Variants in LYST observed in about 807,000 individuals in gnomAD.
LYST encodes the protein lysosomal trafficking regulator.
A neutral mutation model predicts 413.6 loss-of-function variants in LYST; 192 were observed. The ratio of observed to expected loss-of-function variants is 0.46; its 90% CI spans 0.41 to 0.52. The LOEUF (loss-of-function observed/expected upper bound fraction) is 0.52, where lower values mean the gene tolerates loss of function less well. LYST is among the 20% of genes least tolerant of loss of function. LYST has a pLI of 0.00. For missense variants in LYST, 3,815 were observed against 4,499.9 expected (o/e 0.85, Z 4.35); for synonymous variants, 1,525 against 1,567.3 (o/e 0.97, Z 0.64).
Position 235,791,972 on chromosome 1 carries a change from C to G in LYST, c.4270G>C (p.Gly1424Arg). The G allele has an allele frequency of 6.2e-7, 1 of 1,614,090 alleles. No homozygotes were observed. Among genetic ancestry groups the G allele is most frequent in the Non-Finnish European group, 8.5e-7 (1 of 1,179,994 alleles). ...YPGILNSKAM[G>R]LLRRARVSRS... ...GAAACTCGTGCTCTTCTCAATAAAC[C>G]CATGGCCTTACTGTTTAAAATCCCA... Residue 1424 changes from glycine (G) to arginine (R), a missense_variant, in exon 12 of 53, where the codon GGT (glycine) becomes CGT (arginine). Transcript: ENST00000389793.
upstream of LYST, chr1:235,867,064 G>C (rs1680641666): frequency 2.6e-5 from 4 of 152,226 alleles, no homozygotes; most frequent in Admixed American, 2.0e-4. Flanking sequence ...GCCTCCTCTG[G>C]GAGGGCAGCG....
chr1:235,834,744 G>A (rs1676377621), intron 1 of LYST, among the ~76,000 whole-genome samples: 1 of 152,046 alleles, frequency 6.6e-6, no homozygotes, highest in Non-Finnish European at 1.5e-5. Flanking sequence ...CCACACAGCA[G>A]GGCACACAGC....
chr1:235,715,144 G>GTTT (rs1662721871), intron 42 of LYST, 57 bp downstream of exon 42: 2 of 1,293,670 alleles, frequency 1.5e-6, no homozygotes, highest in Non-Finnish European at 2.2e-6. Flanking sequence ...TGTTGTTGTT[G>GTTT]TTGTTGTTGT....
chr1:235,751,164 A>G, intron 28 of LYST, 46 bp downstream of exon 28: 1 of 1,574,534 alleles, frequency 6.4e-7, no homozygotes, highest in East Asian at 2.2e-5. Flanking sequence ...AGGAAAGTCA[A>G]GCTAGCCTCA....
chr1:235,863,673 G>C (rs576982707), intron 1 of LYST, among the ~76,000 whole-genome samples: 6 of 152,084 alleles, frequency 3.9e-5, no homozygotes, highest in Admixed American at 2.6e-4. Flanking sequence ...AGAATGACTA[G>C]GTTGGTCCAA....
Position 235,819,520 on chromosome 1 carries a change from T to A in LYST, c.193-6459A>T, listed in dbSNP as rs188334881. Among the ~76,000 whole-genome samples the A allele has an allele frequency of 1.4e-4, 22 of 152,316 alleles. No homozygotes were observed. In the East Asian group the frequency reaches 2.9e-3, roughly 20 times the overall value. ...GGGAATGAGGTGTTCCCTCATGACATCCAAGTGGGAAGTTCCCAATGTGCC... is the reference window on the plus strand; with the variant it reads ...GGGAATGAGGTGTTCCCTCATGACAACCAAGTGGGAAGTTCCCAATGTGCC... On this transcript the variant is annotated intron_variant, in intron 3 of 52. Transcript: ENST00000389793.
intron 24 of LYST, among the ~76,000 whole-genome samples, chr1:235,756,138 C>T (rs1378179575): frequency 6.6e-6 from 1 of 151,906 alleles, no homozygotes; most frequent in African/African-American, 2.4e-5. Flanking sequence ...GCCTGAATTT[C>T]CACCCTTCTC....
Position 235,752,108 on chromosome 1 carries a change from T to C in LYST, c.7524A>G (p.Thr2508=). 6.2e-7 allele frequency: 1 copy of C among 1,611,618 alleles called. No homozygotes were observed. The highest frequency in any genetic ancestry group is 8.5e-7 in the Non-Finnish European group (1 of 1,178,100). ...AGCCTGAGGAACTGCAAGCATGAAT[T>C]GTAACTGCTATGAAAAGTTGCTGTA... ...CDIQQLFIAV[T]IHACSSSGSQ... The change falls in exon 27 of 53, where the codon ACA becomes ACG. Residue 2508 remains threonine, a synonymous_variant. Transcript: ENST00000389793.
At chr1:235,680,811 C>T (rs575708756) in intron 48 of LYST, among the ~76,000 whole-genome samples, 45 of 152,156 alleles carry the variant, frequency 3.0e-4, no homozygotes, top group Non-Finnish European at 5.6e-4. Context: ...GTTGGCCAGG[C>T]TGGTCTCGAA....
chr1:235,862,895 C>G (rs991509448), intron 1 of LYST, among the ~76,000 whole-genome samples: 8 of 151,770 alleles, frequency 5.3e-5, no homozygotes, highest in African/African-American at 1.9e-4. Flanking sequence ...CACTTCTGCT[C>G]GGCTCATGAG....
In LYST at chr1:235,840,497, C is replaced by T. The variant is rs1231515204; in HGVS notation, c.-97-6830G>A. Among the ~76,000 whole-genome samples the T allele has an allele frequency of 2.0e-5, 3 of 152,284 alleles. No homozygotes were observed. In the East Asian group the frequency reaches 5.8e-4, roughly 29 times the overall value. On this transcript the variant is annotated intron_variant, in intron 1 of 52. Coordinates refer to ENST00000389793, the MANE Select transcript of LYST (RefSeq NM_000081.4). ...GGCTTTAATCTATTGGCTAGTGAGTCTTATCAGAATCACCTATAGAGTTTG... is the reference window on the plus strand; with the variant it reads ...GGCTTTAATCTATTGGCTAGTGAGTTTTATCAGAATCACCTATAGAGTTTG...
chr1:235,713,866 T>C (rs1258283103), intron 42 of LYST, among the ~76,000 whole-genome samples: 1 of 152,174 alleles, frequency 6.6e-6, no homozygotes, highest in Non-Finnish European at 1.5e-5. Context: ...ACAAAATATA[T>C]TCATAAATAC....
rs370344580 is a variant in LYST at position 235,791,549 on chromosome 1, A to G, written c.4543+150T>C. 9.4e-5 allele frequency: 67 copies of G among 711,160 alleles called. 1 individual carries two copies. Among genetic ancestry groups the G allele is most frequent in the South Asian group, 9.2e-4 (58 of 63,216 alleles). 44.1% of individuals were successfully genotyped at this position (711,160 alleles called of 1,614,324 possible). On this transcript the variant is annotated intron_variant, in intron 12 of 52. Coordinates refer to ENST00000389793, the MANE Select transcript of LYST (RefSeq NM_000081.4). ...AGGCTTTATGACAACTCATGCTTTG[A>G]TAAGTCAGGACCTACCACCACTAAG... is the stretch of plus-strand genomic sequence containing the variant.
chr1:235,866,876 C>G lies in LYST; in HGVS notation c.-131G>C, dbSNP rs886046184. The G allele has an allele frequency of 2.0e-5, 3 of 153,824 alleles. No individual in the cohort carries two copies. Among genetic ancestry groups the G allele is most frequent in the Non-Finnish European group, 4.4e-5 (3 of 68,752 alleles). 9.5% of individuals were successfully genotyped at this position (153,824 alleles called of 1,614,324 possible). The stretch of plus-strand genomic sequence containing the variant: ...TGGCAGCTGCGGCCGCCGCGCACTC[C>G]CCCTCTCCCGGAGAACCCCGAGCCG... On this transcript the variant is annotated 5_prime_UTR_variant, in exon 1 of 53. Transcript: ENST00000389793.
At chr1:235,670,839 G>A (rs1658881028) in intron 50 of LYST, among the ~76,000 whole-genome samples, 1 of 152,196 alleles carries the variant, frequency 6.6e-6, no homozygotes, top group African/African-American at 2.4e-5. Context: ...TCTCTAGTAA[G>A]AGAGGTTGAA....
rs1013378032 is a variant in LYST at position 235,663,243 on chromosome 1, CAT to C, written c.11268-167_11268-166del. On this transcript the variant is annotated intron_variant, in intron 52 of 52. Transcript: ENST00000389793. The stretch of plus-strand genomic sequence containing the variant: ...TCATTGGTTTTGACTGTAATTCTAA[CAT>C]AGTCACTCTGCTGACAAGTTGAGAT... Among the ~76,000 whole-genome samples the C allele has an allele frequency of 2.2e-4, 34 of 152,286 alleles. 1 individual carries two copies. The highest frequency in any genetic ancestry group is 7.7e-4 in the African/African-American group (32 of 41,550).
At chr1:235,808,272 T>G (rs1000441873) in intron 5 of LYST, among the ~76,000 whole-genome samples, 183 bp downstream of exon 5, 1 of 152,092 alleles carries the variant, frequency 6.6e-6, no homozygotes, top group Non-Finnish European at 1.5e-5. Context: ...GTTGACAAAT[T>G]GAAATTAAAT....
intron 1 of LYST, among the ~76,000 whole-genome samples, chr1:235,872,865 G>A (rs976700247): frequency 2.0e-5 from 3 of 151,818 alleles, no homozygotes; most frequent in Non-Finnish European, 4.4e-5. Context: ...GCAGTAAGCC[G>A]AGATCCCACC....
intron 14 of LYST, among the ~76,000 whole-genome samples, chr1:235,786,010 T>C (rs1435244357): frequency 6.6e-6 from 1 of 152,218 alleles, no homozygotes; most frequent in Admixed American, 6.5e-5. Context: ...ATACATAGGC[T>C]AGTCATTCTA....
Sources: allele counts gnomAD v4.1 joint callset (sites outside exome capture counted in the v4.1 genomes callset), GRCh38; gene constraint gnomAD v4.1.1; transcripts MANE v1.5; gene names NCBI Gene and HGNC (gene_info 2026-07-23, HGNC 2026-07-21).